DHRSX: variants seen among roughly 807,000 people sequenced by gnomAD.
The protein encoded by DHRSX is polyprenol dehydrogenase.
Under a neutral mutation model 34.0 loss-of-function variants are expected in DHRSX, and 31 were observed. That is an observed-to-expected ratio of 0.91 (90% confidence interval 0.69 to 1.23). DHRSX has a LOEUF of 1.23. DHRSX is among the 50% of genes most tolerant of loss of function. DHRSX has a pLI of 0.00. For missense variants in DHRSX, 414 were observed against 428.1 expected (o/e 0.97, Z 0.29); for synonymous variants, 201 against 183.8 (o/e 1.09, Z -0.76).
intron 3 of DHRSX, among the ~76,000 whole-genome samples, chrX:2,317,247 C>G (rs1005588280): frequency 1.5e-5 from 1 of 68,938 alleles, no homozygotes. Flanking sequence ...CGTGAGCCAC[C>G]GCGCCTGGCT....
intron 5 of DHRSX, among the ~76,000 whole-genome samples, chrX:2,264,051 C>A (rs1194074527): frequency 6.6e-6 from 1 of 152,228 alleles, no homozygotes; most frequent in African/African-American, 2.4e-5. Context: ...CTATGTCTCA[C>A]CTCTGTGTTT....
At chrX:2,427,157 C>T (rs2043860647) in intron 1 of DHRSX, among the ~76,000 whole-genome samples, 1 of 152,190 alleles carries the variant, frequency 6.6e-6, no homozygotes, top group Non-Finnish European at 1.5e-5. Context: ...AGAGAACAAT[C>T]TTCCAAGGAG....
intron 1 of DHRSX, among the ~76,000 whole-genome samples, chrX:2,468,813 G>A (rs912529201): frequency 9.9e-5 from 15 of 151,222 alleles, no homozygotes; most frequent in African/African-American, 3.2e-4. Context: ...AAGGACTGCT[G>A]CCATGTACAC....
chrX:2,302,612 AAAAT>A (rs746166098), intron 3 of DHRSX, among the ~76,000 whole-genome samples: 3,369 of 149,952 alleles, frequency 0.022, 133 homozygotes, highest in African/African-American at 0.078. Context: ...ACTGTCTCAA[AAAAT>A]AAATAAATAA....
chrX:2,297,496 G>A (rs2041948158), intron 3 of DHRSX, among the ~76,000 whole-genome samples: 1 of 152,026 alleles, frequency 6.6e-6, no homozygotes. Context: ...AAAATCTCCT[G>A]GTCCTAATCT....
At chrX:2,467,564 G>A (rs2044515889) in intron 1 of DHRSX, among the ~76,000 whole-genome samples, 1 of 152,170 alleles carries the variant, frequency 6.6e-6, no homozygotes, top group South Asian at 2.1e-4. Flanking sequence ...CCAAAAACCA[G>A]AACAAGAGAC....
At chrX:2,495,662 T>TCCTCCTC (rs1263163544) in intron 1 of DHRSX, among the ~76,000 whole-genome samples, 9 of 152,006 alleles carry the variant, frequency 5.9e-5, no homozygotes, top group African/African-American at 1.5e-4. Context: ...CCTTCCTCCT[T>TCCTCCTC]CCTCCTCCCT....
intron 3 of DHRSX, among the ~76,000 whole-genome samples, chrX:2,323,694 G>A (rs2042340605): frequency 6.6e-6 from 1 of 152,098 alleles, no homozygotes; most frequent in African/African-American, 2.4e-5. Flanking sequence ...ACTCGAGCCC[G>A]GGAGGCTGAA....
chrX:2,379,585 G>A (rs2043180153), intron 3 of DHRSX, among the ~76,000 whole-genome samples: 1 of 146,436 alleles, frequency 6.8e-6, no homozygotes. Context: ...CCTGTGGGCT[G>A]GCAGTGGAGG....
At chrX:2,267,072 A>C (rs2041485269) in intron 4 of DHRSX, 125 bp from the exon 5 acceptor site, 1 of 910,526 alleles carries the variant, frequency 1.1e-6, no homozygotes. Context: ...GCTGGCGGCC[A>C]TGTCTTCCTC....
At chrX:2,311,538 T>G (rs2042165474) in intron 3 of DHRSX, among the ~76,000 whole-genome samples, 1 of 152,008 alleles carries the variant, frequency 6.6e-6, no homozygotes, top group Non-Finnish European at 1.5e-5. Context: ...GAAAAGAAGA[T>G]TAAAATGAAA....
At chrX:2,421,478 C>T (rs894819589) in intron 2 of DHRSX, among the ~76,000 whole-genome samples, 26 of 152,134 alleles carry the variant, frequency 1.7e-4, no homozygotes, top group Admixed American at 7.2e-4. Flanking sequence ...AAGTGAAGGA[C>T]GGAGCAAGGA....
intron 6 of DHRSX, among the ~76,000 whole-genome samples, chrX:2,240,561 G>GAA (rs936511011): frequency 6.6e-6 from 1 of 151,666 alleles, no homozygotes; most frequent in African/African-American, 2.4e-5. Context: ...TACCTAAAGG[G>GAA]AAAAGCTGTC....
chrX:2,479,519 G>A (rs780705395), intron 1 of DHRSX, among the ~76,000 whole-genome samples: 2 of 150,974 alleles, frequency 1.3e-5, no homozygotes, highest in African/African-American at 4.9e-5. Context: ...CATTCCGTAA[G>A]AATGCGACCA....
chrX:2,252,485 T>C (rs989393739), intron 5 of DHRSX, among the ~76,000 whole-genome samples: 4 of 152,188 alleles, frequency 2.6e-5, no homozygotes, highest in Non-Finnish European at 5.9e-5. Context: ...GATCGTTTTT[T>C]AAATATCAGC....
chrX:2,416,535 T>C (rs1438516099), intron 2 of DHRSX, among the ~76,000 whole-genome samples: 2 of 152,154 alleles, frequency 1.3e-5, no homozygotes, highest in Admixed American at 6.6e-5. Flanking sequence ...TTTCCTGTTG[T>C]TTTAAGTATT....
chrX:2,366,528 C>T (rs1010258011), intron 3 of DHRSX, among the ~76,000 whole-genome samples: 3 of 151,894 alleles, frequency 2.0e-5, no homozygotes, highest in African/African-American at 7.3e-5. Context: ...TTTAAATGAC[C>T]ATCAATATAC....
In DHRSX at chrX:2,332,641, ACT is replaced by A. The variant is rs374679899; in HGVS notation, c.287-41040_287-41039del. 2.0e-3 allele frequency among the ~76,000 whole-genome samples: 305 copies of A among 152,250 alleles called. 2 individuals are homozygous for A. Among genetic ancestry groups the A allele is most frequent in the African/African-American group, 7.1e-3 (293 of 41,542 alleles). ...GTCCACCCCAATGCAGCCTCCAGTCACTCTGCCAGGTATTGACCCAGAGTCTT... is the reference window on the plus strand; with the variant it reads ...GTCCACCCCAATGCAGCCTCCAGTCACTGCCAGGTATTGACCCAGAGTCTT... On this transcript the variant is annotated intron_variant, in intron 3 of 6. Coordinates refer to ENST00000334651, the MANE Select transcript of DHRSX (RefSeq NM_145177.3).
intron 3 of DHRSX, among the ~76,000 whole-genome samples, chrX:2,313,978 G>T (rs2042194872): frequency 6.6e-6 from 1 of 151,862 alleles, no homozygotes; most frequent in Non-Finnish European, 1.5e-5. Context: ...TGAAGACCTG[G>T]AATCAACAGA....
Sources: gnomAD v4.1 joint callset for allele counts (sites outside exome capture counted in the v4.1 genomes callset) on GRCh38, gnomAD v4.1.1 for gene constraint, MANE v1.5 for transcripts, NCBI Gene and HGNC (gene_info 2026-07-23, HGNC 2026-07-21) for gene names.